The following ANKRD62 variants were observed in gnomAD, a reference collection of about 807,000 sequenced individuals.
ANKRD62 encodes ankyrin repeat domain-containing protein 62.
A neutral mutation model predicts 98.8 loss-of-function variants in ANKRD62; 61 were observed. The ratio of observed to expected loss-of-function variants is 0.62; its 90% CI spans 0.50 to 0.76. The LOEUF (loss-of-function observed/expected upper bound fraction) is 0.76. Ranked by LOEUF, ANKRD62 falls within the 30% of genes least tolerant of loss-of-function variation. ANKRD62 has a pLI of 0.00. For synonymous variants in ANKRD62, 341 were observed against 367.9 expected (o/e 0.93, Z 0.84); for missense variants, 933 against 1,082.9 (o/e 0.86, Z 1.94).
chr18:12,137,002 A>G, the ANKRD62 span, among the ~76,000 whole-genome samples: 3 of 152,198 alleles, frequency 2.0e-5, no homozygotes, highest in Non-Finnish European at 2.9e-5. Flanking sequence ...AAACAGGGAC[A>G]ATTTGACTCC....
At chr18:12,140,159 T>C in the ANKRD62 span, among the ~76,000 whole-genome samples, 1 of 152,256 alleles carries the variant, frequency 6.6e-6, no homozygotes, top group South Asian at 2.1e-4. Flanking sequence ...GGCTTGTGCA[T>C]TCATCACGTA....
chr18:12,132,690 A>G (rs1910022893), downstream of ANKRD62, among the ~76,000 whole-genome samples: 1 of 152,076 alleles, frequency 6.6e-6, no homozygotes, highest in African/African-American at 2.4e-5. Flanking sequence ...TTTAATGAAA[A>G]ATGTTCAATT....
chr18:12,120,191 T>A (rs927886170), intron 10 of ANKRD62, among the ~76,000 whole-genome samples: 1 of 152,218 alleles, frequency 6.6e-6, no homozygotes, highest in Admixed American at 6.5e-5. Context: ...CTATTCTTGC[T>A]AATTTTCTGC....
chr18:12,115,582 T>C (rs532669943), intron 10 of ANKRD62, 48 bp downstream of exon 10: 1 of 1,473,696 alleles, frequency 6.8e-7, no homozygotes, highest in Non-Finnish European at 9.1e-7. Flanking sequence ...CCTATAGTAA[T>C]GTATGCACAT....
At chr18:12,181,397 C>T in the ANKRD62 span, among the ~76,000 whole-genome samples, 2,911 of 152,232 alleles carry the variant, frequency 0.019, 86 homozygotes, top group African/African-American at 0.066. Flanking sequence ...AGGACAACTA[C>T]CTTATAAACT....
Position 12,127,769 on chromosome 18 carries a change from C to T in ANKRD62, c.2584C>T (p.Arg862Ter), listed in dbSNP as rs1568066992. 4.9e-6 allele frequency: 7 copies of T among 1,431,160 alleles called. No homozygotes were observed. Among genetic ancestry groups the T allele is most frequent in the South Asian group, 4.7e-5 (3 of 63,456 alleles). The allele number at this position is 1,431,160 out of a possible 1,614,324, so 88.7% of individuals were successfully genotyped here. A position where few individuals can be genotyped will look rare whatever the true frequency, so the allele number is the denominator to read the frequency against. ...EREVVRRQLQREVDDALNKQL... is the reference protein window; with the variant it reads ...EREVVRRQLQ Reference sequence around the variant, plus strand: ...CCAGGTAGTCAGGAGACAGCTTCAACGAGAAGTGGATGATGCCCTGAACAA... The same window carrying T: ...CCAGGTAGTCAGGAGACAGCTTCAATGAGAAGTGGATGATGCCCTGAACAA... The change falls in exon 14 of 14, where the codon CGA becomes TGA. Residue 862 changes from arginine to a stop codon, truncating the protein, a stop_gained. Coordinates refer to ENST00000587848, the MANE Select transcript of ANKRD62 (RefSeq NM_001277333.2). LOFTEE classifies it low-confidence loss of function (END_TRUNC).
the ANKRD62 span, among the ~76,000 whole-genome samples, chr18:12,178,569 G>A: frequency 1.3e-5 from 2 of 149,372 alleles, no homozygotes; most frequent in African/African-American, 5.0e-5. Context: ...TGAAGAAGGA[G>A]ACATATGCAT....
chr18:12,095,737 A>G lies in ANKRD62; in HGVS notation c.507+127A>G, dbSNP rs1262102913. 5 of 886,070 alleles carry G rather than the reference A, an allele frequency of 5.6e-6. No individual in the cohort carries two copies. In the East Asian group the frequency reaches 1.4e-4, roughly 24 times the overall value. 54.9% of individuals were successfully genotyped at this position (886,070 alleles called of 1,614,324 possible). A position where few individuals can be genotyped will look rare whatever the true frequency, so the allele number is the denominator to read the frequency against. On this transcript the variant is annotated intron_variant, in intron 3 of 13. Transcript: ENST00000587848. ...TATTACGTGCAAATATTTGCTTTAC[A>G]TACAACTATTTAAAAATACATTCAT...
intron 8 of ANKRD62, among the ~76,000 whole-genome samples, chr18:12,108,657 C>T (rs1287544995): frequency 6.6e-6 from 1 of 152,170 alleles, no homozygotes; most frequent in African/African-American, 2.4e-5. Context: ...CTCAGTCAAG[C>T]TTTAACCCAA....
At chr18:12,118,067 C>T (rs1309421314) in intron 10 of ANKRD62, among the ~76,000 whole-genome samples, 1 of 152,140 alleles carries the variant, frequency 6.6e-6, no homozygotes, top group Non-Finnish European at 1.5e-5. Context: ...TACATTGGCA[C>T]ATCAGAATCA....
At chr18:12,114,746 T>G (rs1598735078) in intron 8 of ANKRD62, among the ~76,000 whole-genome samples, 1 of 152,332 alleles carries the variant, frequency 6.6e-6, no homozygotes, top group East Asian at 1.9e-4. Context: ...AAACTTTGTT[T>G]GTATTGAAAA....
the ANKRD62 span, among the ~76,000 whole-genome samples, chr18:12,173,825 C>G: frequency 2.0e-5 from 3 of 152,198 alleles, no homozygotes; most frequent in Non-Finnish European, 4.4e-5. Context: ...CTTCACATCT[C>G]TTTGGCTTGT....
rs1909211829 is a variant in ANKRD62, at chr18:12,097,722, C to T, written c.697C>T (p.Gln233Ter). The stretch of plus-strand genomic sequence containing the variant: ...TCAGCACAATATTGATGTCTTTTGC[C>T]AAGATATATCTGGATGGACTGCAGA... ...LLQHNIDVFC[Q>*]DISGWTAEDY... is the part of the protein sequence containing the mutation. Residue 233 changes from glutamine to a stop codon, truncating the protein, a stop_gained, in exon 5 of 14, where the codon CAA becomes TAA. Coordinates refer to ENST00000587848, the MANE Select transcript of ANKRD62 (RefSeq NM_001277333.2). LOFTEE classifies it high-confidence loss of function. 6.5e-7 allele frequency: 1 copy of T among 1,535,992 alleles called. No individual in the cohort carries two copies. Among genetic ancestry groups the T allele is most frequent in the East Asian group, 2.4e-5 (1 of 40,896 alleles).
chr18:12,166,849 T>A, the ANKRD62 span, among the ~76,000 whole-genome samples: 2 of 152,078 alleles, frequency 1.3e-5, no homozygotes, highest in East Asian at 3.9e-4. Context: ...ACATTAGGTA[T>A]TTCTGCTAAT....
the ANKRD62 span, among the ~76,000 whole-genome samples, chr18:12,141,501 G>A: frequency 7.9e-5 from 12 of 151,654 alleles, no homozygotes; most frequent in African/African-American, 2.7e-4. Context: ...CCTCTTAGTG[G>A]TGGTGGTGTT....
At chr18:12,096,856 G>A (rs1186938326) in intron 4 of ANKRD62, among the ~76,000 whole-genome samples, 3 of 152,030 alleles carry the variant, frequency 2.0e-5, no homozygotes, top group Non-Finnish European at 4.4e-5. Flanking sequence ...GGTTCATTGG[G>A]TTTTTTCTTC....
In ANKRD62 at chr18:12,115,179, G is replaced by A. The variant is rs1361863061; in HGVS notation, c.1098+58G>A. 2.2e-6 allele frequency: 3 copies of A among 1,347,408 alleles called. No homozygotes were observed. The East Asian group carries it at 7.9e-5, about 36-fold the overall frequency. 83.5% of individuals were successfully genotyped at this position (1,347,408 alleles called of 1,614,324 possible). A position where few individuals can be genotyped will look rare whatever the true frequency, so the allele number is the denominator to read the frequency against. ...TGAACATACCTTAAAAAAGATCATG[G>A]TAAAAAACAGAAAATCTTTTGCTGT... On this transcript the variant is annotated intron_variant, in intron 9 of 13. Transcript: ENST00000587848.
chr18:12,123,455 A>G (rs752946229), intron 11 of ANKRD62, among the ~76,000 whole-genome samples: 3 of 152,238 alleles, frequency 2.0e-5, no homozygotes, highest in Non-Finnish European at 2.9e-5. Context: ...AATTAATTCA[A>G]ACTTCTATGC....
Position 12,094,164 on chromosome 18 carries a change from T to G in ANKRD62, c.147T>G (p.Gly49=). Residue 49 remains glycine, a synonymous_variant, in exon 1 of 14, where the codon GGT becomes GGG. Transcript: ENST00000587848. ...LGMIHKAAIA[G]DVNKVMESIL... ...TGATCCACAAAGCTGCCATCGCAGGTGATGTGAACAAGGTGATGGAGAGCA... is the reference window on the plus strand; with the variant it reads ...TGATCCACAAAGCTGCCATCGCAGGGGATGTGAACAAGGTGATGGAGAGCA... 6.5e-7 allele frequency: 1 copy of G among 1,531,664 alleles called. No homozygotes were observed. Among genetic ancestry groups the G allele is most frequent in the Non-Finnish European group, 8.7e-7 (1 of 1,146,036 alleles). 94.9% of individuals were successfully genotyped at this position (1,531,664 alleles called of 1,614,324 possible).
Sources: allele counts gnomAD v4.1 joint callset (sites outside exome capture counted in the v4.1 genomes callset), GRCh38; gene constraint gnomAD v4.1.1; transcripts MANE v1.5; gene names NCBI Gene and HGNC (gene_info 2026-07-23, HGNC 2026-07-21).